The following GGT1 variants were observed in gnomAD, a reference collection of about 807,000 sequenced individuals.
The protein encoded by GGT1 is gamma-glutamyltransferase 1, also known as glutathione hydrolase 1 proenzyme.
Under a neutral mutation model 56.0 loss-of-function variants are expected in GGT1, and 21 were observed. That is an observed-to-expected ratio of 0.38 (90% CI 0.27 to 0.54). The LOEUF (loss-of-function observed/expected upper bound fraction) is 0.54. Ranked by LOEUF, GGT1 falls within the 20% of genes least tolerant of loss-of-function variation. GGT1 has a pLI of 0.82. For missense variants in GGT1, 466 were observed against 787.0 expected, an observed-to-expected ratio of 0.59 and a Z score of 4.88; for synonymous variants, 238 against 342.6, an observed-to-expected ratio of 0.69 and a Z score of 3.37.
rs377303346 is a variant in GGT1, at chr22:24,614,785, G to A, written c.174G>A (p.Leu58=). ...KQCSKIGRDA[L]RDGGSAVDAA... ...ATGTGCCACATGGCAGGGATGCACT[G>A]CGGGACGGTGGCTCTGCGGTGGATG... Residue 58 remains leucine (L), a synonymous_variant, in exon 6 of 16, where the codon CTG becomes CTA. Transcript: ENST00000400382. 4 of 1,613,572 alleles carry A rather than the reference G, an allele frequency of 2.5e-6. No homozygotes were observed. Among genetic ancestry groups the A allele is most frequent in the Non-Finnish European group, 3.4e-6 (4 of 1,179,846 alleles).
upstream of GGT1, among the ~76,000 whole-genome samples, chr22:24,598,911 T>C (rs576213199): frequency 6.6e-6 from 1 of 151,940 alleles, no homozygotes; most frequent in East Asian, 1.9e-4. Flanking sequence ...CCAAACCCTG[T>C]CCTCTTGGGC....
rs201558016 is a variant in GGT1 at position 24,628,359 on chromosome 22, G to A, written c.1534G>A (p.Val512Ile). 1.1e-5 allele frequency: 18 copies of A among 1,611,394 alleles called. No homozygotes were observed. The highest frequency in any genetic ancestry group is 4.0e-5 in the African/African-American group (3 of 74,384). Residue 512 changes from valine to isoleucine, a missense_variant, in exon 15 of 16, where the codon GTC becomes ATC. Physicochemically the swap from Val to Ile is conservative, Grantham distance 29 (BLOSUM62 3). Coordinates refer to ENST00000400382, the MANE Select transcript of GGT1 (RefSeq NM_001288833.2). The surrounding 1 kb of genome is among the most constrained non-coding windows in gnomAD (Gnocchi z 5.7). ...PRLHNQLLPN[V>I]TTVERNIDQA... Reference sequence around the variant, plus strand: ...GCTGCACAACCAGCTTCTGCCCAACGTCACGACAGTGGAGAGAAACATTGA... The same window carrying A: ...GCTGCACAACCAGCTTCTGCCCAACATCACGACAGTGGAGAGAAACATTGA...
chr22:24,605,229 GTATTATATTATA>G (rs2046029457), intron 1 of GGT1, among the ~76,000 whole-genome samples: 3 of 17,706 alleles, frequency 1.7e-4, no homozygotes, highest in African/African-American at 2.5e-4. Context: ...TATATAATAT[GTATTATATTATA>G]TATTATATAA....
At chr22:24,583,965 AGCTTGCCTGGCCCAGGGCCG>A in the GGT1 span, among the ~76,000 whole-genome samples, 2 of 152,260 alleles carry the variant, frequency 1.3e-5, no homozygotes, top group African/African-American at 4.8e-5. Flanking sequence ...CAGGTTTATC[AGCTTGCCTGGCCCAGGGCCG>A]GCTCTCATAC....
At chr22:24,586,365 C>T in the GGT1 span, 2 of 1,613,706 alleles carry the variant, frequency 1.2e-6, no homozygotes, top group East Asian at 2.2e-5. Context: ...CCTGAGAGGT[C>T]CACAGTCTCC....
intron 1 of GGT1, among the ~76,000 whole-genome samples, chr22:24,606,299 C>G (rs1284241782): frequency 6.6e-6 from 1 of 151,518 alleles, no homozygotes; most frequent in African/African-American, 2.4e-5. Context: ...CCCCTCACCC[C>G]ACAACAGGCC....
At chr22:24,617,957 G>A (rs2047175108) in intron 7 of GGT1, among the ~76,000 whole-genome samples, 1 of 152,114 alleles carries the variant, frequency 6.6e-6, no homozygotes, top group African/African-American at 2.4e-5. Context: ...GGAAAGTGAT[G>A]AGCCCAGTAA....
At chr22:24,586,377 C>T in the GGT1 span, 74 of 1,613,672 alleles carry the variant, frequency 4.6e-5, no homozygotes, top group South Asian at 7.4e-4. Flanking sequence ...ACAGTCTCCC[C>T]TGCCAGCAGA....
At chr22:24,588,246 C>A in the GGT1 span, 10 of 1,613,364 alleles carry the variant, frequency 6.2e-6, no homozygotes, top group South Asian at 1.1e-5. Context: ...GCAGGCTGGA[C>A]CCTTGCTGCT....
At chr22:24,623,938 A>C (rs1372790172) in intron 11 of GGT1, 22 bp downstream of exon 11, 3 of 1,604,434 alleles carry the variant, frequency 1.9e-6, no homozygotes, top group East Asian at 4.5e-5. Context: ...GGGCTGGCCC[A>C]CTGTGGGTGT....
At chr22:24,588,055 G>A in the GGT1 span, among the ~76,000 whole-genome samples, 46 of 152,262 alleles carry the variant, frequency 3.0e-4, no homozygotes, top group Admixed American at 6.5e-4. Flanking sequence ...CTGCTACCAC[G>A]GGCCAGGCTG....
chr22:24,620,464 C>T lies in GGT1; in HGVS notation c.519C>T (p.Gly173=). The change falls in exon 8 of 16, where the codon GGC becomes GGT. Residue 173 remains glycine (G), a synonymous_variant. Transcript: ENST00000400382. The surrounding 1 kb of genome is among the most constrained non-coding windows in gnomAD (Gnocchi z 5.6). Reference sequence around the variant, plus strand: ...GCCAGGGCTTCCCCGTGGGCAAGGGCTTGGCGGCAGCCCTGGAAAACAAGC... The same window carrying T: ...GCCAGGGCTTCCCCGTGGGCAAGGGTTTGGCGGCAGCCCTGGAAAACAAGC... ...LARQGFPVGK[G]LAAALENKRT... 1.2e-6 allele frequency: 2 copies of T among 1,611,864 alleles called. No individual in the cohort carries two copies. The highest frequency in any genetic ancestry group is 1.7e-6 in the Non-Finnish European group (2 of 1,179,792).
chr22:24,593,798 AAAG>A (rs1273840313), upstream of GGT1, among the ~76,000 whole-genome samples: 1 of 151,806 alleles, frequency 6.6e-6, no homozygotes, highest in African/African-American at 2.4e-5. Flanking sequence ...AAAAAAAAAA[AAAG>A]AAAAGAAAAG....
At chr22:24,599,615 G>T (rs2045750179), upstream of GGT1, among the ~76,000 whole-genome samples, 4 of 152,128 alleles carry the variant, frequency 2.6e-5, no homozygotes, top group Non-Finnish European at 4.4e-5. Flanking sequence ...AGCTGGACAG[G>T]CCCAGTGAGG....
At chr22:24,621,737 G>A (rs2047424000) in intron 9 of GGT1, among the ~76,000 whole-genome samples, 1 of 152,140 alleles carries the variant, frequency 6.6e-6, no homozygotes, top group Non-Finnish European at 1.5e-5. Flanking sequence ...AGGGAGACTG[G>A]CAGGAATTCT....
the GGT1 span, among the ~76,000 whole-genome samples, chr22:24,586,840 C>G: frequency 6.6e-6 from 1 of 152,244 alleles, no homozygotes; most frequent in East Asian, 1.9e-4. Flanking sequence ...CCCAAACTGT[C>G]ACTTTCTAAG....
intron 1 of GGT1, among the ~76,000 whole-genome samples, chr22:24,595,512 C>T (rs1026275209): frequency 2.0e-5 from 3 of 152,226 alleles, no homozygotes; most frequent in East Asian, 1.9e-4. Flanking sequence ...TCTCAGTTCC[C>T]GGGGCTGATG....
At chr22:24,618,592 AAAAC>A (rs1420323767) in intron 7 of GGT1, among the ~76,000 whole-genome samples, 2 of 152,220 alleles carry the variant, frequency 1.3e-5, no homozygotes, top group African/African-American at 2.4e-5. Flanking sequence ...CTCCATCTCA[AAAAC>A]AAACAAAGAA....
At chr22:24,612,536 T>C (rs1248815234) in intron 5 of GGT1, among the ~76,000 whole-genome samples, 1 of 150,514 alleles carries the variant, frequency 6.6e-6, no homozygotes, top group East Asian at 2.0e-4. Context: ...TTGTTTTGTT[T>C]TGTTTTTTGA....
Sources: allele counts gnomAD v4.1 joint callset (sites outside exome capture counted in the v4.1 genomes callset), GRCh38; gene constraint gnomAD v4.1.1; non-coding constraint Gnocchi (gnomAD v3.1); transcripts MANE v1.5; gene names NCBI Gene and HGNC (gene_info 2026-07-23, HGNC 2026-07-21).